SPDYC: variants seen among roughly 807,000 people sequenced by gnomAD.
SPDYC encodes the protein speedy/RINGO cell cycle regulator family member C.
Under a neutral mutation model 33.9 loss-of-function variants are expected in SPDYC, and 25 were observed. The ratio of observed to expected loss-of-function variants is 0.74; its 90% CI spans 0.54 to 1.03. SPDYC has a LOEUF of 1.03. Among genes scored for constraint, SPDYC ranks in the 50% least tolerant of loss-of-function variants. SPDYC has a pLI of 0.00. For synonymous variants in SPDYC, 133 were observed against 140.2 expected, an observed-to-expected ratio of 0.95 and a Z score of 0.36; for missense variants, 349 against 382.9, an observed-to-expected ratio of 0.91 and a Z score of 0.74.
chr11:65,172,875 G>A (rs1465729122), exon 6 of SPDYC: 1 of 1,614,038 alleles, frequency 6.2e-7, no homozygotes, highest in Non-Finnish European at 8.5e-7. Flanking sequence ...TGTCATCCAA[G>A]TGCCCTTCTC....
At chr11:65,171,596 C>A in intron 2 of SPDYC, 97 bp downstream of exon 2, 1 of 1,315,440 alleles carries the variant, frequency 7.6e-7, no homozygotes, top group Non-Finnish European at 1.0e-6. Flanking sequence ...ACATCTGAGA[C>A]CTCTGACCCT....
downstream of SPDYC, chr11:65,173,304 A>G: frequency 6.7e-7 from 1 of 1,490,100 alleles, no homozygotes; most frequent in Non-Finnish European, 9.1e-7. Flanking sequence ...CCTTCCTCCC[A>G]GCCTGCAGCT....
In SPDYC at chr11:65,173,192, AG is replaced by A; in HGVS notation, c.858del (p.Lys286AsnfsTer?). 6.2e-7 allele frequency: 1 copy of A among 1,613,984 alleles called. No individual in the cohort carries two copies. Among genetic ancestry groups the A allele is most frequent in the Non-Finnish European group, 8.5e-7 (1 of 1,179,964 alleles). On this transcript the variant is annotated frameshift_variant, in exon 7 of 7. Transcript: ENST00000377185. LOFTEE classifies it low-confidence loss of function (END_TRUNC). ...TCTTTCCTCTCCCCAGTCTTCCCAA[AG>A]CCTCCGGCACGCCCTGGGCACTGAA...
At chr11:65,172,558 G>C (rs947759867) in exon 5 of SPDYC, 1 of 1,562,520 alleles carries the variant, frequency 6.4e-7, no homozygotes, top group African/African-American at 1.4e-5. Flanking sequence ...TAAGCTTTGG[G>C]CACGGATGGG....
chr11:65,172,738 C>A, exon 6 of SPDYC: 1 of 1,613,492 alleles, frequency 6.2e-7, no homozygotes, highest in Non-Finnish European at 8.5e-7. Flanking sequence ...GCGCCCCCAC[C>A]ATGGTGGGGT....
chr11:65,171,968 C>T (rs1590840494), exon 3 of SPDYC: 4 of 1,614,106 alleles, frequency 2.5e-6, no homozygotes, highest in Non-Finnish European at 3.4e-6. Context: ...AGGAATTCCT[C>T]TCCAAAGACC....
intron 2 of SPDYC, 139 bp from the exon 3 acceptor site, chr11:65,171,800 AAGAG>A (rs1283151509): frequency 6.6e-6 from 5 of 758,032 alleles, no homozygotes; most frequent in South Asian, 5.3e-5. Flanking sequence ...TATATTAAGA[AAGAG>A]AGAGAGAAAG....
At chr11:65,173,353 T>C (rs1443385547), downstream of SPDYC, 5 of 1,065,880 alleles carry the variant, frequency 4.7e-6, no homozygotes, top group Non-Finnish European at 6.7e-6. Flanking sequence ...AATAAATTCA[T>C]GTCCACAGGA....
chr11:65,171,536 G>A, intron 2 of SPDYC, 37 bp downstream of exon 2: 4 of 1,489,724 alleles, frequency 2.7e-6, no homozygotes, highest in Non-Finnish European at 3.6e-6. Flanking sequence ...GGGCCGTGAG[G>A]TCAAGTGTGA....
intron 1 of SPDYC, 131 bp from the exon 2 acceptor site, chr11:65,171,196 C>T (rs1490334127): frequency 3.1e-6 from 3 of 982,074 alleles, no homozygotes; most frequent in Admixed American, 2.9e-5. Flanking sequence ...TGTTGCATCC[C>T]GGCTGCCTTC....
intron 1 of SPDYC, among the ~76,000 whole-genome samples, chr11:65,170,487 C>T (rs1201342435): frequency 1.3e-5 from 2 of 152,178 alleles, no homozygotes; most frequent in Admixed American, 1.3e-4. Flanking sequence ...CCCTGAGGGC[C>T]TCAGTTTCCC....
chr11:65,171,727 G>A (rs1473527355), intron 2 of SPDYC, among the ~76,000 whole-genome samples: 3 of 152,112 alleles, frequency 2.0e-5, no homozygotes, highest in Admixed American at 1.3e-4. Context: ...TGAAATGGGA[G>A]TATCACTTCA....
rs113169074 is a variant in SPDYC, at chr11:65,173,151, C to G, written c.848-32C>G. Reference sequence around the variant, plus strand: ...CCTCCCGTGTGAGCTTGGCAGGTTTCTTCTCTGAGCCTCACTCTTTCCTCT... The same window carrying G: ...CCTCCCGTGTGAGCTTGGCAGGTTTGTTCTCTGAGCCTCACTCTTTCCTCT... On this transcript the variant is annotated intron_variant, in intron 6 of 6. Coordinates refer to ENST00000377185, the Ensembl canonical transcript of SPDYC. The G allele has an allele frequency of 1.9e-3, 3,002 of 1,612,930 alleles. 43 individuals are homozygous for G. The African/African-American group carries it at 0.035, about 19-fold the overall frequency.
intron 2 of SPDYC, 91 bp downstream of exon 2, chr11:65,171,590 C>T: frequency 7.4e-7 from 1 of 1,344,156 alleles, no homozygotes; most frequent in Non-Finnish European, 9.9e-7. Flanking sequence ...GTACAGACAT[C>T]TGAGACCTCT....
rs1166802300 is a variant in SPDYC, at chr11:65,170,262, G to T, written c.26+1G>T. 3.2e-6 allele frequency: 5 copies of T among 1,581,794 alleles called. No homozygotes were observed. The highest frequency in any genetic ancestry group is 2.7e-5 in the African/African-American group (2 of 72,896). On this transcript the variant is annotated splice_donor_variant, in intron 1 of 6. Coordinates refer to ENST00000377185, the Ensembl canonical transcript of SPDYC. LOFTEE classifies it high-confidence loss of function. ...TGCTCTGGGCCATTCCTGAGCTCGG[G>T]TAAGGCTCGCTGCAGGAGGAGGCTG...
rs779398131 is a variant in SPDYC, at chr11:65,171,487, C to T, written c.187C>T (p.Leu63Phe). ...CCAGCACCAGGAGGTCCAGGCCTTC[C>T]TCAGCCTTCTGGGTGAGTTTGGAGG... The change falls in exon 2 of 7, where the codon CTC (leucine) becomes TTC (phenylalanine). Residue 63 changes from leucine (L) to phenylalanine (F), a missense_variant. Leu to Phe is a conservative substitution (Grantham distance 22, BLOSUM62 0). Coordinates refer to ENST00000377185, the Ensembl canonical transcript of SPDYC. 5.1e-6 allele frequency: 8 copies of T among 1,578,260 alleles called. No homozygotes were observed. The highest frequency in any genetic ancestry group is 1.9e-5 in the Admixed American group (1 of 51,784).
intron 5 of SPDYC, 27 bp from the exon 6 acceptor site, chr11:65,172,657 A>G (rs1287215638): frequency 3.2e-6 from 5 of 1,573,376 alleles, no homozygotes; most frequent in Non-Finnish European, 4.3e-6. Flanking sequence ...TTCCCACCCC[A>G]TTTACTGTCC....
chr11:65,173,274 G>C, downstream of SPDYC: 2 of 1,589,864 alleles, frequency 1.3e-6, no homozygotes, highest in Non-Finnish European at 1.7e-6. Context: ...CACACCATTG[G>C]CTGTGCTCCC....
chr11:65,170,354 C>T (rs981721909), intron 1 of SPDYC, 93 bp downstream of exon 1: 4 of 1,308,496 alleles, frequency 3.1e-6, no homozygotes, highest in African/African-American at 1.5e-5. Flanking sequence ...GCACGTTCTC[C>T]TCGGCCCCGT....
Sources: allele counts gnomAD v4.1 joint callset (sites outside exome capture counted in the v4.1 genomes callset), GRCh38; gene constraint gnomAD v4.1.1; transcripts MANE v1.5; gene names NCBI Gene and HGNC (gene_info 2026-07-23, HGNC 2026-07-21).